The following COL21A1 variants were observed in gnomAD, a reference collection of about 807,000 sequenced individuals.
The protein encoded by COL21A1 is collagen alpha-1(XXI) chain.
Under a neutral mutation model 137.9 loss-of-function variants are expected in COL21A1, and 149 were observed. The ratio of observed to expected loss-of-function variants is 1.08; its 90% CI spans 0.95 to 1.24. COL21A1 has a LOEUF of 1.24. COL21A1 is among the 50% of genes most tolerant of loss of function. The pLI is 0.00. For missense variants in COL21A1, 1,167 were observed against 1,158.4 expected (o/e 1.01, Z -0.11); for synonymous variants, 456 against 391.5 (o/e 1.16, Z -1.95).
At chr6:56,243,811 T>C (rs1782490268) in intron 1 of COL21A1, among the ~76,000 whole-genome samples, 1 of 152,184 alleles carries the variant, frequency 6.6e-6, no homozygotes, top group Non-Finnish European at 1.5e-5. Flanking sequence ...GCAGAGTACC[T>C]TGTCTTTAAC....
Position 56,060,143 on chromosome 6 carries a change from C to T in COL21A1, c.2483G>A (p.Gly828Asp), listed in dbSNP as rs1765670581. The part of the protein sequence containing the change: ...DHCLSQHGSP[G>D]IPGPPGPIGP... Reference sequence around the variant, plus strand: ...TATCGGACCAGGTGGCCCAGGAATACCCGGGGAGCCATGTTGGGACAGGCA... The same window carrying T: ...TATCGGACCAGGTGGCCCAGGAATATCCGGGGAGCCATGTTGGGACAGGCA... Residue 828 changes from glycine to aspartate, a missense_variant, in exon 28 of 30, where the codon GGT (glycine) becomes GAT (aspartate). Physicochemically the swap from Gly to Asp is moderately conservative, Grantham distance 94. Transcript: ENST00000244728. 6.2e-7 allele frequency: 1 copy of T among 1,611,426 alleles called. No homozygotes were observed. Among genetic ancestry groups the T allele is most frequent in the Non-Finnish European group, 8.5e-7 (1 of 1,179,188 alleles).
In COL21A1 at chr6:56,182,660, G is replaced by A; in HGVS notation, c.-38-4C>T. ...TAATATTTTGGTTTTAGGATTCCTAGGGGGAAAAAAAAGGCAAGTTAAATA... is the reference window on the plus strand; with the variant it reads ...TAATATTTTGGTTTTAGGATTCCTAAGGGGAAAAAAAAGGCAAGTTAAATA... On this transcript the variant is annotated splice_region_variant and splice_polypyrimidine_tract_variant and intron_variant, in intron 1 of 29. Coordinates refer to ENST00000244728, the MANE Select transcript of COL21A1 (RefSeq NM_030820.4). 7.4e-7 allele frequency: 1 copy of A among 1,344,526 alleles called. No homozygotes were observed. Among genetic ancestry groups the A allele is most frequent in the East Asian group, 2.4e-5 (1 of 41,602 alleles). The allele number at this position is 1,344,526 out of a possible 1,614,324, so 83.3% of individuals were successfully genotyped here. A position where few individuals can be genotyped will look rare whatever the true frequency, so the allele number is the denominator to read the frequency against.
At chr6:56,361,424 C>G (rs1372950891) in intron 1 of COL21A1, among the ~76,000 whole-genome samples, 3 of 151,940 alleles carry the variant, frequency 2.0e-5, no homozygotes, top group Non-Finnish European at 4.4e-5. Flanking sequence ...GGAAAACAAG[C>G]CTAAAGTTGG....
rs908066111 is a variant in COL21A1 at position 56,182,531 on chromosome 6, T to C, written c.88A>G (p.Ser30Gly). 8 of 1,587,228 alleles carry C rather than the reference T, an allele frequency of 5.0e-6. No individual in the cohort carries two copies. Among genetic ancestry groups the C allele is most frequent in the Non-Finnish European group, 6.9e-6 (8 of 1,161,802 alleles). The change falls in exon 2 of 30, where the codon AGT becomes GGT. Residue 30 changes from serine to glycine, a missense_variant and splice_region_variant. Physicochemically the swap from Ser to Gly is moderately conservative, Grantham distance 56 (BLOSUM62 0). Coordinates refer to ENST00000244728, the MANE Select transcript of COL21A1 (RefSeq NM_030820.4). ...AAAGGACAATGCTGATAGTTCTTAC[T>C]TGATCTTACTTCCCCATCTTCAGCT... Reference protein sequence around the residue: ...VLAEDGEVRSSCRTAPTDLVF... With the variant: ...VLAEDGEVRSGCRTAPTDLVF...
chr6:56,339,574 G>A (rs1284230767), intron 1 of COL21A1, among the ~76,000 whole-genome samples: 1 of 150,448 alleles, frequency 6.6e-6, no homozygotes, highest in Non-Finnish European at 1.5e-5. Flanking sequence ...TTTTCTCTCT[G>A]TTAGTGAAGG....
intron 11 of COL21A1, 37 bp from the exon 12 acceptor site, chr6:56,141,875 G>A (rs547195379): frequency 1.7e-5 from 28 of 1,606,428 alleles, no homozygotes; most frequent in African/African-American, 6.7e-5. Flanking sequence ...GTTAATTATC[G>A]GTTTTAGTTC....
At chr6:56,191,046 A>C (rs1176441584) in intron 1 of COL21A1, among the ~76,000 whole-genome samples, 1 of 152,224 alleles carries the variant, frequency 6.6e-6, no homozygotes, top group African/African-American at 2.4e-5. Context: ...AACCGTCACA[A>C]GACAAGGATG....
At chr6:56,080,216 C>T (rs915751750) in intron 17 of COL21A1, among the ~76,000 whole-genome samples, 3 of 151,718 alleles carry the variant, frequency 2.0e-5, no homozygotes, top group Admixed American at 6.6e-5. Context: ...TTTTCTGTTT[C>T]GCTGTGGTTT....
intron 1 of COL21A1, among the ~76,000 whole-genome samples, chr6:56,283,534 A>T (rs1763831613): frequency 6.6e-6 from 1 of 152,206 alleles, no homozygotes; most frequent in Admixed American, 6.5e-5. Context: ...ACTTTCCTAC[A>T]TTCTTAAAAT....
intron 1 of COL21A1, among the ~76,000 whole-genome samples, chr6:56,350,255 G>A (rs927761808): frequency 2.0e-5 from 3 of 152,138 alleles, no homozygotes; most frequent in Admixed American, 1.3e-4. Flanking sequence ...ACTTAGCAGG[G>A]TCAAGACTGC....
intron 8 of COL21A1, 35 bp from the exon 9 acceptor site, chr6:56,164,541 T>G: frequency 7.0e-7 from 1 of 1,433,744 alleles, no homozygotes; most frequent in Non-Finnish European, 9.6e-7. Context: ...ACAACAAGCA[T>G]GGAAAGACAT....
At chr6:56,074,733 A>C (rs1424247794) in intron 19 of COL21A1, among the ~76,000 whole-genome samples, 1 of 151,536 alleles carries the variant, frequency 6.6e-6, no homozygotes, top group African/African-American at 2.4e-5. Flanking sequence ...ATCTTTCTTC[A>C]GGGTACAAAA....
intron 1 of COL21A1, among the ~76,000 whole-genome samples, chr6:56,301,973 G>A (rs888209967): frequency 1.3e-5 from 2 of 151,900 alleles, no homozygotes; most frequent in African/African-American, 4.8e-5. Context: ...GTGAGAACAT[G>A]CGGTGTTTGG....
At chr6:56,257,829 C>T (rs1763142380) in intron 1 of COL21A1, among the ~76,000 whole-genome samples, 1 of 151,714 alleles carries the variant, frequency 6.6e-6, no homozygotes, top group East Asian at 1.9e-4. Flanking sequence ...AGCTTATGGG[C>T]TTTACAAAAA....
intron 1 of COL21A1, among the ~76,000 whole-genome samples, chr6:56,211,603 C>A (rs1005183395): frequency 2.6e-5 from 4 of 152,036 alleles, no homozygotes; most frequent in African/African-American, 9.7e-5. Flanking sequence ...AAAAACAACT[C>A]ATCTGATTTG....
At position 56,060,843 on chromosome 6, in the gene COL21A1, C is replaced by CA. The variant is rs775836373; in HGVS notation, c.2352+47dup. On this transcript the variant is annotated intron_variant, in intron 26 of 29. Coordinates refer to ENST00000244728, the MANE Select transcript of COL21A1 (RefSeq NM_030820.4). ...ATAACATGCACATAAAGAACATGAG[C>CA]AAAAATCAATGAAAATGTAATAACT... 9 of 1,583,314 alleles carry CA rather than the reference C, an allele frequency of 5.7e-6. No individual in the cohort carries two copies. The East Asian group carries it at 2.0e-4, about 36-fold the overall frequency.
At position 56,126,130 on chromosome 6, in the gene COL21A1, C is replaced by A; in HGVS notation, c.1562G>T (p.Gly521Val). 6.5e-7 allele frequency: 1 copy of A among 1,548,486 alleles called. No homozygotes were observed. The highest frequency in any genetic ancestry group is 1.7e-4 in the Middle Eastern group (1 of 5,980). The change falls in exon 13 of 30, where the codon GGT becomes GTT. Residue 521 changes from glycine (G) to valine (V), a missense_variant. Physicochemically the swap from Gly to Val is moderately radical, Grantham distance 109 (BLOSUM62 -3). Coordinates refer to ENST00000244728, the MANE Select transcript of COL21A1 (RefSeq NM_030820.4). ...DGDKGDRGLPGFPGLHGMPGS... is the reference protein window; with the variant it reads ...DGDKGDRGLPVFPGLHGMPGS... ...TGGCATGCCATGAAGCCCAGGAAAACCAGGAAGTCCACGATCACCCTGAAA... is the reference window on the plus strand; with the variant it reads ...TGGCATGCCATGAAGCCCAGGAAAAACAGGAAGTCCACGATCACCCTGAAA...
intron 1 of COL21A1, among the ~76,000 whole-genome samples, chr6:56,228,311 T>G (rs1464626095): frequency 6.6e-6 from 1 of 151,754 alleles, no homozygotes; most frequent in Non-Finnish European, 1.5e-5. Context: ...AGTAAGGGCC[T>G]GAAGGACAGT....
intron 1 of COL21A1, among the ~76,000 whole-genome samples, chr6:56,265,029 T>A (rs971759979): frequency 6.6e-6 from 1 of 152,186 alleles, no homozygotes; most frequent in Non-Finnish European, 1.5e-5. Context: ...GATACCAAGA[T>A]CTCATTTCAC....
Sources: allele counts gnomAD v4.1 joint callset (sites outside exome capture counted in the v4.1 genomes callset), GRCh38; gene constraint gnomAD v4.1.1; transcripts MANE v1.5; gene names NCBI Gene and HGNC (gene_info 2026-07-23, HGNC 2026-07-21).